Variants in APOO observed in about 807,000 individuals in gnomAD.
APOO encodes MICOS complex subunit MIC26.
A neutral mutation model predicts 23.1 loss-of-function variants in APOO; 11 were observed. The observed-to-expected ratio is 0.48, with a 90% CI of 0.30 to 0.79. The LOEUF (loss-of-function observed/expected upper bound fraction) is 0.79. Ranked by LOEUF, APOO falls within the 30% of genes least tolerant of loss-of-function variation. APOO has a pLI of 0.07. For synonymous variants in APOO, 59 were observed against 54.8 expected (o/e 1.08, Z -0.34); for missense variants, 160 against 142.7 (o/e 1.12, Z -0.62).
chrX:23,838,684 C>T (rs1243377637), intron 8 of APOO, among the ~76,000 whole-genome samples: 3 of 110,635 alleles, frequency 2.7e-5, no homozygotes, highest in African/African-American at 9.9e-5. Flanking sequence ...TCCCAAAGTG[C>T]TGGGATTACA....
intron 4 of APOO, 62 bp downstream of exon 4, chrX:23,874,341 T>A: frequency 1.0e-6 from 1 of 980,492 alleles, no homozygotes; most frequent in Non-Finnish European, 1.4e-6. Flanking sequence ...TTCATGGAAC[T>A]CCGATTAAAG....
At chrX:23,865,989 T>C (rs1925318696) in intron 5 of APOO, among the ~76,000 whole-genome samples, 1 of 111,614 alleles carries the variant, frequency 9.0e-6, no homozygotes, top group Non-Finnish European at 1.9e-5. Context: ...ATGCTGCTGC[T>C]CTGGCCAGGA....
chrX:23,855,213 T>C (rs891488192), intron 7 of APOO, among the ~76,000 whole-genome samples: 2 of 108,563 alleles, frequency 1.8e-5, no homozygotes, highest in Non-Finnish European at 3.8e-5. Context: ...TTTGGAGAGA[T>C]AGGGTCTCAC....
intron 7 of APOO, among the ~76,000 whole-genome samples, chrX:23,845,925 A>G (rs1319371577): frequency 8.9e-6 from 1 of 112,071 alleles, no homozygotes; most frequent in African/African-American, 3.2e-5. Flanking sequence ...CAATTCTGTG[A>G]TAGTAATTTG....
At chrX:23,879,483 C>T (rs16982836) in intron 2 of APOO, among the ~76,000 whole-genome samples, 7,390 of 111,625 alleles carry the variant, frequency 0.066, 535 homozygotes, top group African/African-American at 0.21. Context: ...CTAAGGGTTA[C>T]AAGCAACCTG....
intron 1 of APOO, among the ~76,000 whole-genome samples, chrX:23,889,128 C>T (rs1926511108): frequency 9.1e-6 from 1 of 110,196 alleles, no homozygotes; most frequent in Non-Finnish European, 1.9e-5. Context: ...AGTGACTGAG[C>T]AAGACTCTGC....
chrX:23,885,609 T>G (rs1926335869), intron 1 of APOO, among the ~76,000 whole-genome samples: 1 of 109,554 alleles, frequency 9.1e-6, no homozygotes, highest in African/African-American at 3.3e-5. Context: ...TTTTATTGGA[T>G]TCTTAATTAT....
chrX:23,881,373 CCT>C, intron 1 of APOO, among the ~76,000 whole-genome samples: 1 of 107,852 alleles, frequency 9.3e-6, no homozygotes, highest in East Asian at 2.9e-4. Flanking sequence ...GTGCACCTGG[CCT>C]ACAAAATATA....
intron 7 of APOO, among the ~76,000 whole-genome samples, chrX:23,845,580 T>C (rs1400912560): frequency 8.9e-6 from 1 of 112,680 alleles, no homozygotes; most frequent in Non-Finnish European, 1.9e-5. Flanking sequence ...AAATACCTCA[T>C]ACAAGTAGAA....
intron 1 of APOO, among the ~76,000 whole-genome samples, chrX:23,907,479 C>G (rs1399963046): frequency 7.1e-5 from 8 of 112,579 alleles, no homozygotes; most frequent in African/African-American, 1.3e-4. Flanking sequence ...AGGGCCGCCC[C>G]CACCCACCCG....
At chrX:23,868,723 A>G (rs1259528084) in intron 4 of APOO, 35 bp from the exon 5 acceptor site, 1 of 1,113,907 alleles carries the variant, frequency 9.0e-7, no homozygotes, top group African/African-American at 1.8e-5. Context: ...CAGTTCCATA[A>G]ATTTCTCATT....
At chrX:23,889,810 A>T (rs5925959) in intron 1 of APOO, among the ~76,000 whole-genome samples, 2 of 108,732 alleles carry the variant, frequency 1.8e-5, no homozygotes, top group Non-Finnish European at 3.8e-5. Context: ...TACAGGCACC[A>T]GCCACCACGC....
chrX:23,872,474 G>A (rs775062160), intron 4 of APOO, among the ~76,000 whole-genome samples: 5 of 103,892 alleles, frequency 4.8e-5, no homozygotes, highest in African/African-American at 1.4e-4. Flanking sequence ...TAGTTTCCTC[G>A]GATAAAAATG....
rs1351388591 is a variant in APOO, at chrX:23,847,441, AC to A, written c.562-7065del. Among the ~76,000 whole-genome samples the A allele has an allele frequency of 2.7e-5, 3 of 109,885 alleles. No homozygotes were observed. In the Admixed American group the frequency reaches 2.9e-4, roughly 11 times the overall value. On this transcript the variant is annotated intron_variant, in intron 7 of 8. Transcript: ENST00000379226. Reference sequence around the variant, plus strand: ...GGAGATCGAGATCATCCTGGCTAACACGGTGAAACCCCGACTCTATTAAAAA... The same window carrying A: ...GGAGATCGAGATCATCCTGGCTAACAGGTGAAACCCCGACTCTATTAAAAA...
At chrX:23,839,694 C>G (rs1267398007) in intron 8 of APOO, among the ~76,000 whole-genome samples, 1 of 111,743 alleles carries the variant, frequency 8.9e-6, no homozygotes, top group African/African-American at 3.2e-5. Flanking sequence ...GCTTCATCCC[C>G]TCTATAAACA....
intron 1 of APOO, among the ~76,000 whole-genome samples, chrX:23,891,687 T>C (rs953683818): frequency 9.0e-6 from 1 of 111,465 alleles, no homozygotes; most frequent in Non-Finnish European, 1.9e-5. Context: ...AAACAGGCTA[T>C]ATCCAAAGGT....
chrX:23,893,609 C>T (rs1234892191), intron 1 of APOO, among the ~76,000 whole-genome samples: 1 of 110,554 alleles, frequency 9.0e-6, no homozygotes, highest in Non-Finnish European at 1.9e-5. Context: ...ACTCTTGCCA[C>T]CCAGGCTGGA....
intron 7 of APOO, among the ~76,000 whole-genome samples, chrX:23,845,955 G>C (rs897190134): frequency 8.9e-6 from 1 of 111,791 alleles, no homozygotes; most frequent in Non-Finnish European, 1.9e-5. Flanking sequence ...AAAAAAGCTA[G>C]TGAAAAACTA....
intron 1 of APOO, among the ~76,000 whole-genome samples, chrX:23,887,680 G>A (rs900154778): frequency 9.0e-6 from 1 of 111,556 alleles, no homozygotes; most frequent in Non-Finnish European, 1.9e-5. Flanking sequence ...CTCAGAAAAT[G>A]AGTACATATG....
Sources: allele counts gnomAD v4.1 joint callset (sites outside exome capture counted in the v4.1 genomes callset), GRCh38; gene constraint gnomAD v4.1.1; transcripts MANE v1.5; gene names NCBI Gene and HGNC (gene_info 2026-07-23, HGNC 2026-07-21).